DST: variants seen among roughly 807,000 people sequenced by gnomAD.
The protein encoded by DST is bullous pemphigoid antigen.
A neutral mutation model predicts 875.2 loss-of-function variants in DST; 253 were observed. The ratio of observed to expected loss-of-function variants is 0.29; its 90% CI spans 0.26 to 0.32. The LOEUF (loss-of-function observed/expected upper bound fraction) is 0.32, where lower values mean the gene tolerates loss of function less well. DST is among the 10% of genes least tolerant of loss of function. The probability of loss-of-function intolerance (pLI) is 1.00; values close to 1 mark genes in which losing one functional copy is unlikely to be tolerated. For synonymous variants in DST, 3,124 were observed against 3,197.1 expected, an observed-to-expected ratio of 0.98 and a Z score of 0.77; for missense variants, 8,287 against 9,111.6, an observed-to-expected ratio of 0.91 and a Z score of 3.68.
intron 49 of DST, among the ~76,000 whole-genome samples, chr6:56,583,010 G>A (rs997584358): frequency 1.3e-5 from 2 of 152,114 alleles, no homozygotes; most frequent in African/African-American, 2.4e-5. Flanking sequence ...GGACATTTGG[G>A]TTGGTTCCAA....
In DST at chr6:56,856,512, G is replaced by A. The variant is rs181146658; in HGVS notation, c.418-4908C>T. 1.8e-3 allele frequency among the ~76,000 whole-genome samples: 281 copies of A among 152,180 alleles called. 2 individuals are homozygous for A. Among genetic ancestry groups the A allele is most frequent in the African/African-American group, 6.0e-3 (250 of 41,510 alleles). On this transcript the variant is annotated intron_variant, in intron 3 of 103. Transcript: ENST00000680361. ...AACCCAAAAATAGAAAGCACACAAG[G>A]AAACAGACAAATCCTGATTGTGAAG...
intron 4 of DST, among the ~76,000 whole-genome samples, chr6:56,824,665 C>T (rs1403148499): frequency 6.6e-6 from 1 of 152,102 alleles, no homozygotes; most frequent in African/African-American, 2.4e-5. Flanking sequence ...GCGACCCCGT[C>T]TGGGAGGTGA....
At chr6:56,843,341 G>A in intron 4 of DST, 5 of 1,208,900 alleles carry the variant, frequency 4.1e-6, no homozygotes, top group Non-Finnish European at 5.1e-6. Context: ...CAAAGGAAAC[G>A]CCCAGGCCTC....
At chr6:56,841,521 G>C (rs2099799973) in intron 4 of DST, among the ~76,000 whole-genome samples, 1 of 152,230 alleles carries the variant, frequency 6.6e-6, no homozygotes, top group East Asian at 1.9e-4. Context: ...TTTAAACAAT[G>C]CCTACTTCTT....
intron 4 of DST, among the ~76,000 whole-genome samples, chr6:56,778,159 T>A (rs1322088333): frequency 6.6e-6 from 1 of 152,048 alleles, no homozygotes; most frequent in Non-Finnish European, 1.5e-5. Flanking sequence ...GTTCTTTAAG[T>A]CAGTAGTATA....
At chr6:56,531,623 G>A (rs1445950360) in intron 64 of DST, among the ~76,000 whole-genome samples, 2 of 152,082 alleles carry the variant, frequency 1.3e-5, no homozygotes, top group Non-Finnish European at 2.9e-5. Context: ...ACTCACTCAG[G>A]TCAGTGATTC....
Position 56,721,760 on chromosome 6 carries a change from ACAGGAAAGGAAAGCCAC to A in DST, c.687+13451_687+13467del, listed in dbSNP as rs1217230788. Among the ~76,000 whole-genome samples the A allele has an allele frequency of 3.3e-5, 5 of 152,360 alleles. No homozygotes were observed. In the East Asian group the frequency reaches 9.6e-4, roughly 29 times the overall value. On this transcript the variant is annotated intron_variant, in intron 5 of 103. Transcript: ENST00000680361. ...CATAGAACCACAGCTGGATTTACAT[ACAGGAAAGGAAAGCCAC>A]CTTCATAAACCGATTTAGGGAAAAT...
chr6:56,516,781 C>T (rs1281501428), intron 71 of DST, among the ~76,000 whole-genome samples: 5 of 152,106 alleles, frequency 3.3e-5, no homozygotes, highest in African/African-American at 1.2e-4. Context: ...TAACTTTATA[C>T]AAAATGGATT....
chr6:56,535,082 A>G, intron 63 of DST, 40 bp downstream of exon 63: 1 of 1,602,204 alleles, frequency 6.2e-7, no homozygotes, highest in Non-Finnish European at 8.5e-7. Context: ...TGTTATTAAG[A>G]TTTAATATGA....
intron 45 of DST, among the ~76,000 whole-genome samples, chr6:56,599,487 AGTGTGACCTATGAAGAAACTGAGGC>A (rs1367279147): frequency 1.3e-5 from 2 of 152,104 alleles, no homozygotes; most frequent in Non-Finnish European, 2.9e-5. Context: ...AATGTAACAA[AGTGTGACCTATGAAGAAACTGAGGC>A]TGTGACAGAC....
chr6:56,482,199 A>G (rs2095423969), intron 89 of DST, 21 bp from the exon 90 acceptor site: 1 of 1,598,430 alleles, frequency 6.3e-7, no homozygotes, highest in East Asian at 2.2e-5. Context: ...ACACACACAC[A>G]CACCCCAAAC....
intron 55 of DST, among the ~76,000 whole-genome samples, chr6:56,562,830 C>G (rs1168935089): frequency 1.3e-5 from 2 of 151,026 alleles, no homozygotes; most frequent in Admixed American, 6.6e-5. Context: ...TGAGTGAGAA[C>G]ATGCGGTGTT....
At chr6:56,792,983 G>A (rs766435135) in intron 4 of DST, among the ~76,000 whole-genome samples, 26 of 144,360 alleles carry the variant, frequency 1.8e-4, no homozygotes, top group Non-Finnish European at 3.6e-4. Flanking sequence ...AGGGAGACTC[G>A]CTTGAGCCCC....
intron 81 of DST, 147 bp downstream of exon 81, chr6:56,497,709 C>T (rs2095967968): frequency 2.1e-6 from 2 of 953,890 alleles, no homozygotes; most frequent in Admixed American, 2.9e-5. Flanking sequence ...GTGTTCTCTT[C>T]TGCTGTTCTG....
At chr6:56,629,847 A>G (rs1372495897) in intron 31 of DST, among the ~76,000 whole-genome samples, 1 of 152,362 alleles carries the variant, frequency 6.6e-6, no homozygotes, top group Admixed American at 6.5e-5. Flanking sequence ...TAGTTTCACC[A>G]CTTGCTAAAG....
intron 58 of DST, 60 bp from the exon 59 acceptor site, chr6:56,557,578 T>TA: frequency 7.9e-7 from 1 of 1,259,224 alleles, no homozygotes; most frequent in Non-Finnish European, 1.1e-6. Flanking sequence ...TGACTATGTC[T>TA]ATGAGGACTG....
intron 4 of DST, among the ~76,000 whole-genome samples, chr6:56,757,740 T>G (rs2099607647): frequency 6.6e-6 from 1 of 152,176 alleles, no homozygotes; most frequent in South Asian, 2.1e-4. Flanking sequence ...ACCCGATGAA[T>G]ATGGCTCAAG....
At chr6:56,777,333 TATTACCTTTACTAACA>T (rs2099681157) in intron 4 of DST, among the ~76,000 whole-genome samples, 2 of 151,962 alleles carry the variant, frequency 1.3e-5, no homozygotes, top group Non-Finnish European at 2.9e-5. Flanking sequence ...AGGAGCAAAA[TATTACCTTTACTAACA>T]ATATAACCTA....
In DST at chr6:56,573,703, A is replaced by C; in HGVS notation, c.13212T>G (p.Leu4404=). The change falls in exon 51 of 104, where the codon CTT becomes CTG. Residue 4404 remains leucine (L), a synonymous_variant. Transcript: ENST00000680361. ...QGQVPLNSTA[L]QDIISKNIML... ...CAATGTTTTTACTGATAATATCCTGAAGAGCAGTAGAGTTTAAAGGCACTT... is the reference window on the plus strand; with the variant it reads ...CAATGTTTTTACTGATAATATCCTGCAGAGCAGTAGAGTTTAAAGGCACTT... The C allele has an allele frequency of 6.2e-7, 1 of 1,613,330 alleles. No individual in the cohort carries two copies. Among genetic ancestry groups the C allele is most frequent in the South Asian group, 1.1e-5 (1 of 91,054 alleles).
Sources: gnomAD v4.1 joint callset for allele counts (sites outside exome capture counted in the v4.1 genomes callset) on GRCh38, gnomAD v4.1.1 for gene constraint, MANE v1.5 for transcripts, NCBI Gene and HGNC (gene_info 2026-07-23, HGNC 2026-07-21) for gene names.